KDM2A: variants seen among roughly 807,000 people sequenced by gnomAD.
KDM2A encodes the protein lysine-specific demethylase 2A.
Under a neutral mutation model 137.3 loss-of-function variants are expected in KDM2A, and 3 were observed. The ratio of observed to expected loss-of-function variants is 0.02; its 90% CI spans 0.01 to 0.06. The LOEUF is 0.06. Ranked by LOEUF, KDM2A falls within the 10% of genes least tolerant of loss-of-function variation. The pLI, the probability that KDM2A is intolerant of heterozygous loss-of-function variation, is 1.00. For synonymous variants in KDM2A, 512 were observed against 541.5 expected (o/e 0.95, Z 0.76); for missense variants, 738 against 1,510.6 (o/e 0.49, Z 8.48).
intron 6 of KDM2A, among the ~76,000 whole-genome samples, chr11:67,214,810 G>T (rs1858110616): frequency 6.6e-6 from 1 of 152,280 alleles, no homozygotes; most frequent in Admixed American, 6.5e-5. Flanking sequence ...GCCTTATATA[G>T]TCTTGAAAAG....
chr11:67,211,693 A>G (rs1857993995), intron 6 of KDM2A, among the ~76,000 whole-genome samples: 1 of 151,336 alleles, frequency 6.6e-6, no homozygotes, highest in East Asian at 1.9e-4. Flanking sequence ...TTTAATATTC[A>G]AAAACTTAAT....
rs780805760 is a variant in KDM2A, at chr11:67,254,526, C to T, written c.3307+108C>T. ...CTTGGGTCTGTTGATTGACCCACAT[C>T]AGCTCATTTCTTCACATCTGGACAA... is the stretch of plus-strand genomic sequence containing the variant. On this transcript the variant is annotated intron_variant, in intron 20 of 20. Coordinates refer to ENST00000529006, the MANE Select transcript of KDM2A (RefSeq NM_012308.3). This position sits in a 1 kb window ranked among gnomAD's most constrained non-coding sequence, Gnocchi z 4.7. The T allele has an allele frequency of 1.1e-6, 1 of 910,730 alleles. No individual in the cohort carries two copies. The highest frequency in any genetic ancestry group is 1.9e-5 in the Admixed American group (1 of 53,164). The allele number at this position is 910,730 out of a possible 1,614,324, so 56.4% of individuals were successfully genotyped here. A position where few individuals can be genotyped will look rare whatever the true frequency, so the allele number is the denominator to read the frequency against.
intron 2 of KDM2A, among the ~76,000 whole-genome samples, chr11:67,130,643 G>A (rs1366332626): frequency 1.3e-5 from 2 of 152,018 alleles, no homozygotes; most frequent in Non-Finnish European, 2.9e-5. Flanking sequence ...CTATTTTGGG[G>A]GGGTAACGGA....
chr11:67,127,362 C>T (rs543094429), intron 2 of KDM2A, among the ~76,000 whole-genome samples: 2 of 152,124 alleles, frequency 1.3e-5, no homozygotes, highest in South Asian at 2.1e-4. Flanking sequence ...CAGACTCAAG[C>T]GATCCACCTT....
chr11:67,191,885 A>G (rs2136351582), intron 5 of KDM2A, among the ~76,000 whole-genome samples: 1 of 152,314 alleles, frequency 6.6e-6, no homozygotes, highest in East Asian at 1.9e-4. Flanking sequence ...GTAAAGGAAG[A>G]AGTAAAGTCA....
Position 67,253,467 on chromosome 11 carries a change from C to T in KDM2A, c.2947C>T (p.Leu983Phe). The change falls in exon 19 of 21, where the codon CTC becomes TTC. Residue 983 changes from leucine (L) to phenylalanine (F), a missense_variant. By Grantham distance (22) the Leu-to-Phe change is conservative. This residue lies in a region of KDM2A where 166 missense variants were observed against 324.0 expected (regional missense o/e 0.51). Transcript: ENST00000529006. ...VNRLPGLKDLLLAGCSWSAVS... is the reference protein window; with the variant it reads ...VNRLPGLKDLFLAGCSWSAVS... ...ATCCATTGCAGGACTGAAAGACCTC[C>T]TCCTAGCAGGCTGCTCCTGGTCTGC... The T allele has an allele frequency of 6.2e-7, 1 of 1,613,698 alleles. No homozygotes were observed. The highest frequency in any genetic ancestry group is 8.5e-7 in the Non-Finnish European group (1 of 1,179,702).
At chr11:67,175,935 A>G (rs374173214) in intron 2 of KDM2A, among the ~76,000 whole-genome samples, 1 of 152,170 alleles carries the variant, frequency 6.6e-6, no homozygotes, top group Non-Finnish European at 1.5e-5. Context: ...AAGGTGAGGG[A>G]GAGAACTGGA....
At chr11:67,212,902 A>AT (rs1331066628) in intron 6 of KDM2A, among the ~76,000 whole-genome samples, 1 of 152,224 alleles carries the variant, frequency 6.6e-6, no homozygotes, top group Non-Finnish European at 1.5e-5. Context: ...TCCCATGGAC[A>AT]ACACACGGGG....
chr11:67,232,584 C>T (rs902892869), intron 12 of KDM2A, among the ~76,000 whole-genome samples: 4 of 152,030 alleles, frequency 2.6e-5, no homozygotes, highest in African/African-American at 9.7e-5. Flanking sequence ...TTGCTGCACC[C>T]ATTGACTCGT....
intron 2 of KDM2A, among the ~76,000 whole-genome samples, chr11:67,123,634 T>C (rs968376414): frequency 6.6e-6 from 1 of 152,092 alleles, no homozygotes; most frequent in African/African-American, 2.4e-5. Flanking sequence ...AATTTTGCAG[T>C]CCAGACTTTA....
At chr11:67,126,314 C>T (rs1855730267) in intron 2 of KDM2A, among the ~76,000 whole-genome samples, 1 of 151,784 alleles carries the variant, frequency 6.6e-6, no homozygotes, top group Non-Finnish European at 1.5e-5. Context: ...GTGACTCACA[C>T]CTATATTCCC....
At chr11:67,166,082 A>G (rs17145414) in intron 2 of KDM2A, among the ~76,000 whole-genome samples, 4,838 of 152,260 alleles carry the variant, frequency 0.032, 123 homozygotes, top group African/African-American at 0.07. Flanking sequence ...ATCAGGCAGT[A>G]AACAGAAGTA....
intron 10 of KDM2A, among the ~76,000 whole-genome samples, chr11:67,225,490 G>A (rs190323139): frequency 2.2e-4 from 33 of 152,000 alleles, no homozygotes; most frequent in African/African-American, 7.7e-4. Flanking sequence ...ACAACAATTG[G>A]CCAGTCACGC....
At chr11:67,198,286 C>G (rs1857529885) in intron 5 of KDM2A, among the ~76,000 whole-genome samples, 2 of 151,756 alleles carry the variant, frequency 1.3e-5, no homozygotes, top group Admixed American at 6.6e-5. Context: ...TATGAGCGCA[C>G]CTCATTTTAT....
chr11:67,243,331 G>A (rs1214797175), intron 13 of KDM2A, among the ~76,000 whole-genome samples: 3 of 152,196 alleles, frequency 2.0e-5, no homozygotes, highest in Non-Finnish European at 2.9e-5. Context: ...AGATTCAGAT[G>A]CCAAATTGTG....
chr11:67,200,845 A>G (rs1178023262), intron 5 of KDM2A, among the ~76,000 whole-genome samples: 2 of 152,122 alleles, frequency 1.3e-5, no homozygotes, highest in South Asian at 2.1e-4. Context: ...AGCAGTATTC[A>G]TTCTGTGGCC....
At position 67,245,007 on chromosome 11, in the gene KDM2A, C is replaced by T. The variant is rs1259350229; in HGVS notation, c.1564-182C>T. 6.6e-6 allele frequency: 4 copies of T among 605,406 alleles called. No individual in the cohort carries two copies. The East Asian group carries it at 1.1e-4, about 17-fold the overall frequency. 37.5% of individuals were successfully genotyped at this position (605,406 alleles called of 1,614,324 possible). A position where few individuals can be genotyped will look rare whatever the true frequency, so the allele number is the denominator to read the frequency against. ...TCTCAAAAAAAAAAAAAAAAAGCAG[C>T]CATTGATAATACATACACAAGATGA... On this transcript the variant is annotated intron_variant, in intron 13 of 20. Coordinates refer to ENST00000529006, the MANE Select transcript of KDM2A (RefSeq NM_012308.3). The surrounding 1 kb of genome is among the most constrained non-coding windows in gnomAD (Gnocchi z 4.1).
chr11:67,131,089 C>T (rs1488961453), intron 2 of KDM2A, among the ~76,000 whole-genome samples: 1 of 152,086 alleles, frequency 6.6e-6, no homozygotes, highest in Admixed American at 6.6e-5. Context: ...CTTTGCAAGG[C>T]CGAGGCGGGC....
chr11:67,120,477 G>A (rs1366834966), intron 1 of KDM2A, among the ~76,000 whole-genome samples: 1 of 152,224 alleles, frequency 6.6e-6, no homozygotes, highest in Non-Finnish European at 1.5e-5. Flanking sequence ...TGGTATTACG[G>A]ATTGACCGTC....
Sources: allele counts gnomAD v4.1 joint callset (sites outside exome capture counted in the v4.1 genomes callset), GRCh38; gene constraint gnomAD v4.1.1; regional missense constraint gnomAD v4.1.1; non-coding constraint Gnocchi (gnomAD v3.1); transcripts MANE v1.5; gene names NCBI Gene and HGNC (gene_info 2026-07-23, HGNC 2026-07-21).